TAF1B: variants seen among roughly 807,000 people sequenced by gnomAD.
TAF1B encodes TATA box-binding protein-associated factor RNA polymerase I subunit B.
Under a neutral mutation model 83.9 loss-of-function variants are expected in TAF1B, and 61 were observed. That is an observed-to-expected ratio of 0.73 (90% CI 0.59 to 0.90). TAF1B has a LOEUF of 0.90. Among genes scored for constraint, TAF1B ranks in the 40% least tolerant of loss-of-function variants. TAF1B has a pLI of 0.00. For missense variants in TAF1B, 625 were observed against 677.0 expected (o/e 0.92, Z 0.85); for synonymous variants, 221 against 224.6 (o/e 0.98, Z 0.14).
intron 2 of TAF1B, among the ~76,000 whole-genome samples, chr2:9,848,547 TC>T (rs1454396723): frequency 1.3e-5 from 2 of 152,038 alleles, no homozygotes; most frequent in Non-Finnish European, 2.9e-5. Flanking sequence ...ATGCCTTTAA[TC>T]CCAGCTGCTC....
intron 6 of TAF1B, among the ~76,000 whole-genome samples, chr2:9,871,898 T>G (rs12613568): frequency 0.2 from 29,953 of 151,940 alleles, 3,281 homozygotes; most frequent in East Asian, 0.3. Flanking sequence ...CACTTAAGCC[T>G]CCTGTTTTCA....
rs549577709 is a variant in TAF1B, at chr2:9,919,785, A to G, written c.1530A>G (p.Ser510=). The part of the protein sequence containing the change: ...EKGQSLLTKN[S]LYWLSTQKFC... ...GCCAATCACTGCTGACTAAGAATTC[A>G]TTATATTGGCTTAGTACACAGAAAT... Residue 510 remains serine, a synonymous_variant, in exon 14 of 15, where the codon TCA becomes TCG. Transcript: ENST00000263663. 4 of 1,614,182 alleles carry G rather than the reference A, an allele frequency of 2.5e-6. No individual in the cohort carries two copies. The highest frequency in any genetic ancestry group is 2.5e-6 in the Non-Finnish European group (3 of 1,180,010).
intron 8 of TAF1B, among the ~76,000 whole-genome samples, chr2:9,895,641 A>G (rs1361300266): frequency 6.6e-6 from 1 of 152,190 alleles, no homozygotes; most frequent in African/African-American, 2.4e-5. Context: ...TTCCATAAAT[A>G]ATTACAGTGC....
chr2:9,907,823 G>A (rs1665392445), intron 9 of TAF1B, among the ~76,000 whole-genome samples: 2 of 151,964 alleles, frequency 1.3e-5, no homozygotes. Flanking sequence ...ATGAGACTTA[G>A]GGCAGTTCAG....
chr2:9,906,222 G>A (rs1442709111), intron 9 of TAF1B, among the ~76,000 whole-genome samples: 1 of 152,100 alleles, frequency 6.6e-6, no homozygotes, highest in African/African-American at 2.4e-5. Context: ...TATGTCACGT[G>A]TTTATTATTG....
At chr2:9,845,366 C>T (rs551144918) in intron 2 of TAF1B, 48 bp downstream of exon 2, 2 of 1,497,748 alleles carry the variant, frequency 1.3e-6, no homozygotes, top group African/African-American at 1.4e-5. Flanking sequence ...TTAAAAATTG[C>T]CATTTCAGCC....
At chr2:9,845,632 A>C (rs898943099) in intron 2 of TAF1B, 2 of 269,430 alleles carry the variant, frequency 7.4e-6, no homozygotes, top group Non-Finnish European at 7.3e-6. Context: ...GTACTTATTT[A>C]CATTTTTTTA....
At chr2:9,900,451 A>G (rs1035341243) in intron 8 of TAF1B, among the ~76,000 whole-genome samples, 1 of 152,146 alleles carries the variant, frequency 6.6e-6, no homozygotes, top group Non-Finnish European at 1.5e-5. Context: ...CAGGAGGATC[A>G]CTTGAGCCCA....
chr2:9,921,331 GTCC>G (rs1308498893), intron 14 of TAF1B, among the ~76,000 whole-genome samples: 4 of 152,096 alleles, frequency 2.6e-5, no homozygotes, highest in Non-Finnish European at 4.4e-5. Flanking sequence ...AGCTCAAGCA[GTCC>G]TCCTGCCCCA....
chr2:9,887,427 C>CT (rs749228539), intron 8 of TAF1B, among the ~76,000 whole-genome samples: 22 of 152,284 alleles, frequency 1.4e-4, no homozygotes, highest in Admixed American at 8.5e-4. Context: ...AGCTCTATTA[C>CT]TAGGTGTGTA....
At position 9,849,010 on chromosome 2, in the gene TAF1B, A is replaced by G. The variant is rs572832075; in HGVS notation, c.118-363A>G. ...GTTTAGGCATTACCAGTTACAAAAA[A>G]TACATAAAACTGTTTTCATACCAAA... On this transcript the variant is annotated intron_variant, in intron 2 of 14. Coordinates refer to ENST00000263663, the MANE Select transcript of TAF1B (RefSeq NM_005680.3). Among the ~76,000 whole-genome samples, 10 of 152,368 alleles carry G rather than the reference A, an allele frequency of 6.6e-5. No homozygotes were observed. The South Asian group carries it at 2.1e-3, about 32-fold the overall frequency.
At chr2:9,845,857 C>T in intron 2 of TAF1B, 1 of 307,456 alleles carries the variant, frequency 3.3e-6, no homozygotes, top group East Asian at 9.2e-5. Flanking sequence ...GTAGCATGCG[C>T]CTGTAGTCCC....
chr2:9,871,769 C>G (rs976103540), intron 6 of TAF1B, among the ~76,000 whole-genome samples: 5 of 152,026 alleles, frequency 3.3e-5, no homozygotes, highest in African/African-American at 1.2e-4. Flanking sequence ...AGAGAAATCT[C>G]TTTGAGTCTT....
chr2:9,863,153 A>G (rs1016820068), intron 5 of TAF1B, among the ~76,000 whole-genome samples: 4 of 152,218 alleles, frequency 2.6e-5, no homozygotes, highest in Admixed American at 2.6e-4. Context: ...CAGACTGGCA[A>G]ATTGGATAAA....
At chr2:9,898,550 G>A (rs902951444) in intron 8 of TAF1B, among the ~76,000 whole-genome samples, 1 of 152,098 alleles carries the variant, frequency 6.6e-6, no homozygotes, top group Non-Finnish European at 1.5e-5. Context: ...ACTGGTCTGT[G>A]AGTTTAACAT....
intron 8 of TAF1B, among the ~76,000 whole-genome samples, chr2:9,899,666 G>GT (rs60252308): frequency 4.8e-4 from 31 of 64,010 alleles, no homozygotes; most frequent in Non-Finnish European, 8.1e-4. Context: ...ATTTTTGAAT[G>GT]TTTTTTTCTT....
chr2:9,882,332 T>G (rs1276990793), intron 7 of TAF1B, among the ~76,000 whole-genome samples: 1 of 152,112 alleles, frequency 6.6e-6, no homozygotes, highest in Non-Finnish European at 1.5e-5. Context: ...ACTCCTGACC[T>G]CGTGATCCGC....
intron 5 of TAF1B, among the ~76,000 whole-genome samples, chr2:9,861,176 G>A (rs1663741819): frequency 1.3e-5 from 2 of 152,272 alleles, no homozygotes; most frequent in Admixed American, 1.3e-4. Context: ...ACTGCAAGGG[G>A]TCAGGGAATT....
At chr2:9,852,616 C>T (rs527367696) in intron 4 of TAF1B, among the ~76,000 whole-genome samples, 13 of 152,222 alleles carry the variant, frequency 8.5e-5, no homozygotes, top group South Asian at 8.3e-4. Context: ...CTCAGCCTCC[C>T]GAGTAGCTGG....
Sources: allele counts gnomAD v4.1 joint callset (sites outside exome capture counted in the v4.1 genomes callset), GRCh38; gene constraint gnomAD v4.1.1; transcripts MANE v1.5; gene names NCBI Gene and HGNC (gene_info 2026-07-23, HGNC 2026-07-21).